Variants in AKNA observed in about 807,000 individuals in gnomAD.
The protein encoded by AKNA is microtubule organization protein AKNA.
AKNA carries 67 observed loss-of-function variants against 138.8 expected under a neutral mutation model. That is an observed-to-expected ratio of 0.48 (90% CI 0.40 to 0.59). The LOEUF (loss-of-function observed/expected upper bound fraction) is 0.59. AKNA is among the 20% of genes least tolerant of loss of function. The pLI is 0.00. For missense variants in AKNA, 1,813 were observed against 1,880.4 expected (o/e 0.96, Z 0.66); for synonymous variants, 737 against 754.4 (o/e 0.98, Z 0.38).
intron 19 of AKNA, among the ~76,000 whole-genome samples, chr9:114,342,907 GGCCTGTCAGGACTCTAACACTA>G (rs1388341222): frequency 6.6e-6 from 1 of 152,202 alleles, no homozygotes; most frequent in Non-Finnish European, 1.5e-5. Context: ...TGAACGGAGA[GGCCTGTCAGGACTCTAACACTA>G]GCACAGGAAG....
intron 21 of AKNA, among the ~76,000 whole-genome samples, chr9:114,339,265 G>A (rs998944945): frequency 6.6e-6 from 1 of 152,172 alleles, no homozygotes; most frequent in African/African-American, 2.4e-5. Flanking sequence ...CAGGGGCTAT[G>A]GGACGGCTGC....
rs372252136 is a variant in AKNA, at chr9:114,363,567, C to T, written c.1788+993G>A. 1.1e-3 allele frequency among the ~76,000 whole-genome samples: 163 copies of T among 152,368 alleles called. 5 individuals carry two copies. The South Asian group carries it at 0.031, about 29-fold the overall frequency. On this transcript the variant is annotated intron_variant, in intron 7 of 21. Coordinates refer to ENST00000374088, the MANE Select transcript of AKNA (RefSeq NM_001317950.2). ...TGTACATGACATCTATGTAACCACA[C>T]AGGAAATATCCTGCCATAACATTTT... is the stretch of plus-strand genomic sequence containing the variant.
chr9:114,364,606 T>C lies in AKNA; in HGVS notation c.1742A>G (p.Glu581Gly), dbSNP rs771900006. The change falls in exon 7 of 22, where the codon GAA becomes GGA. Residue 581 changes from glutamate to glycine, a missense_variant. Coordinates refer to ENST00000374088, the MANE Select transcript of AKNA (RefSeq NM_001317950.2). ...GAGACGTCCTGCCTGTATCAGTCTT[T>C]CAAAGGACTCCACCTGGACATTGGG... The part of the protein sequence containing the change: ...SQFLAKVESF[E>G]RLIQAGRLMP... The C allele has an allele frequency of 5.6e-6, 9 of 1,613,946 alleles. No homozygotes were observed. The East Asian group carries it at 2.0e-4, about 36-fold the overall frequency.
chr9:114,359,574 G>C lies in AKNA; in HGVS notation c.2492+20C>G. The C allele has an allele frequency of 6.2e-7, 1 of 1,611,064 alleles. No homozygotes were observed. Among genetic ancestry groups the C allele is most frequent in the African/African-American group, 1.4e-5 (1 of 72,162 alleles). On this transcript the variant is annotated intron_variant, in intron 11 of 21. Coordinates refer to ENST00000374088, the MANE Select transcript of AKNA (RefSeq NM_001317950.2). ...TTAGGGTGGAAACAAACATTCTGCAGGAAAGGCTCAGTGACTTACTCCAGG... is the reference window on the plus strand; with the variant it reads ...TTAGGGTGGAAACAAACATTCTGCACGAAAGGCTCAGTGACTTACTCCAGG...
intron 1 of AKNA, among the ~76,000 whole-genome samples, chr9:114,385,685 T>A (rs1833978581): frequency 6.6e-6 from 1 of 152,194 alleles, no homozygotes; most frequent in African/African-American, 2.4e-5. Context: ...TGACTAGAGT[T>A]TCGCACTTGC....
At chr9:114,396,557 T>C (rs186569114), upstream of AKNA, among the ~76,000 whole-genome samples, 3 of 152,106 alleles carry the variant, frequency 2.0e-5, no homozygotes, top group Admixed American at 2.0e-4. Flanking sequence ...CACACGCCTG[T>C]GATCCCAGCT....
intron 9 of AKNA, 57 bp downstream of exon 9, chr9:114,361,647 T>C: frequency 6.3e-7 from 1 of 1,578,884 alleles, no homozygotes; most frequent in South Asian, 1.1e-5. Flanking sequence ...AAGAAATGAA[T>C]TAACGAAGAA....
chr9:114,371,574 C>G lies in AKNA; in HGVS notation c.1416+2519G>C, dbSNP rs868296754. On this transcript the variant is annotated intron_variant, in intron 4 of 21. Transcript: ENST00000374088. Reference sequence around the variant, plus strand: ...GTTTCAGTCCCAGCTTTGCCTGTTGCACCAGCTGTGGGATGTTGAGCAAAC... The same window carrying G: ...GTTTCAGTCCCAGCTTTGCCTGTTGGACCAGCTGTGGGATGTTGAGCAAAC... Among the ~76,000 whole-genome samples, 6 of 152,360 alleles carry G rather than the reference C, an allele frequency of 3.9e-5. No individual in the cohort carries two copies. The Middle Eastern group carries it at 0.017, about 432-fold the overall frequency.
intron 1 of AKNA, among the ~76,000 whole-genome samples, chr9:114,384,333 G>A (rs1833888770): frequency 6.6e-6 from 1 of 152,224 alleles, no homozygotes; most frequent in Non-Finnish European, 1.5e-5. Flanking sequence ...CACTTTGGGA[G>A]GCCGAGGTGG....
At chr9:114,394,417 A>C (rs1363278043), upstream of AKNA, 1 of 152,146 alleles carries the variant, frequency 6.6e-6, no homozygotes, top group Admixed American at 6.5e-5. Context: ...CCTCCTGTGA[A>C]AGGCGAAATG....
At chr9:114,358,562 T>C (rs1206022678) in intron 11 of AKNA, among the ~76,000 whole-genome samples, 1 of 151,784 alleles carries the variant, frequency 6.6e-6, no homozygotes, top group Non-Finnish European at 1.5e-5. Context: ...GAAACTAACT[T>C]TGAGGATAAA....
rs199906681 is a variant in AKNA, at chr9:114,381,061, T to A, written c.273A>T (p.Glu91Asp). 415 of 1,534,704 alleles carry A rather than the reference T, an allele frequency of 2.7e-4. 2 individuals are homozygous for A. In the East Asian group the frequency reaches 9.2e-3, roughly 34 times the overall value. ...TAGGGGGAGGGGTGTCAGTCTCACC[T>A]TCTCCCGAAGTCTCTCCTGACTCGG... ...QDSESGETSGEEAEAEDVDSP... is the reference protein window; with the variant it reads ...QDSESGETSGDEAEAEDVDSP... The change falls in exon 2 of 22, where the codon GAA becomes GAT. Residue 91 changes from glutamate (E) to aspartate (D), a missense_variant and splice_region_variant. Physicochemically the swap from Glu to Asp is conservative, Grantham distance 45. Coordinates refer to ENST00000374088, the MANE Select transcript of AKNA (RefSeq NM_001317950.2).
At chr9:114,345,829 G>T (rs1020206720) in intron 18 of AKNA, 34 bp downstream of exon 18, 1 of 1,608,622 alleles carries the variant, frequency 6.2e-7, no homozygotes, top group Non-Finnish European at 8.5e-7. Context: ...GACACCAGGA[G>T]CTGCACCCAT....
In AKNA at chr9:114,350,948, T is replaced by A; in HGVS notation, c.3132A>T (p.Pro1044=). The A allele has an allele frequency of 6.4e-7, 1 of 1,563,834 alleles. No individual in the cohort carries two copies. The highest frequency in any genetic ancestry group is 1.1e-5 in the South Asian group (1 of 89,406). Residue 1044 remains proline, a synonymous_variant, in exon 15 of 22, where the codon CCA becomes CCT. Coordinates refer to ENST00000374088, the MANE Select transcript of AKNA (RefSeq NM_001317950.2). ...EQPLPNKTIS[P]PPAPAPAAAP... is the part of the protein sequence containing the mutation. ...CAGCGGCAGGGGCGGGGGCTGGGGG[T>A]GGGCTGATTGTCTTGTTGGGAAGGG...
In AKNA at chr9:114,334,702, A is replaced by T. The variant is rs1383193054; in HGVS notation, c.*2352T>A. On this transcript the variant is annotated 3_prime_UTR_variant, in exon 22 of 22. Coordinates refer to ENST00000374088, the MANE Select transcript of AKNA (RefSeq NM_001317950.2). ...AGCAGCACCCCTTCCGTGGCAGAAA[A>T]GTTGGGCCTGAATTGTTTGAGCAAT... 2 of 146,646 alleles carry T rather than the reference A, an allele frequency of 1.4e-5. No individual in the cohort carries two copies. The highest frequency in any genetic ancestry group is 2.9e-5 in the Non-Finnish European group (2 of 67,898). The allele number at this position is 146,646 out of a possible 1,614,324, so 9.1% of individuals were successfully genotyped here.
At chr9:114,380,795 G>A (rs1289837678) in intron 2 of AKNA, among the ~76,000 whole-genome samples, 4 of 142,314 alleles carry the variant, frequency 2.8e-5, no homozygotes, top group Non-Finnish European at 6.0e-5. Context: ...CCAACATGGT[G>A]AAACCCCGTC....
rs76621725 is a variant in AKNA, at chr9:114,372,970, G to C, written c.1416+1123C>G. Among the ~76,000 whole-genome samples the C allele has an allele frequency of 1.3e-3, 188 of 141,622 alleles. 36 individuals carry two copies. The highest frequency in any genetic ancestry group is 4.7e-3 in the African/African-American group (180 of 38,670). 92.9% of individuals were successfully genotyped at this position (141,622 alleles called of 152,430 possible). On this transcript the variant is annotated intron_variant, in intron 4 of 21. Transcript: ENST00000374088. ...AGCAGGTGTGGGGACGCAGCGGGGGGGGGGGGGGTCCTGGTCCTAGAACAG... is the reference window on the plus strand; with the variant it reads ...AGCAGGTGTGGGGACGCAGCGGGGGCGGGGGGGGTCCTGGTCCTAGAACAG...
Position 114,343,809 on chromosome 9 carries a change from G to A in AKNA, c.3662-6C>T, listed in dbSNP as rs771707702. Reference sequence around the variant, plus strand: ...CAGAACATGGTATTCGTGGCCTGGGGAAAGAAACCAGAACTGTCAGTATCA... The same window carrying A: ...CAGAACATGGTATTCGTGGCCTGGGAAAAGAAACCAGAACTGTCAGTATCA... On this transcript the variant is annotated splice_region_variant and splice_polypyrimidine_tract_variant and intron_variant, in intron 18 of 21. Coordinates refer to ENST00000374088, the MANE Select transcript of AKNA (RefSeq NM_001317950.2). 2.2e-5 allele frequency: 36 copies of A among 1,603,922 alleles called. No individual in the cohort carries two copies. The highest frequency in any genetic ancestry group is 3.0e-5 in the Non-Finnish European group (35 of 1,171,968).
intron 1 of AKNA, among the ~76,000 whole-genome samples, chr9:114,394,151 C>T (rs1467983592): frequency 6.7e-6 from 1 of 149,622 alleles, no homozygotes; most frequent in African/African-American, 2.5e-5. Flanking sequence ...CCAGCCTAGG[C>T]GATGACAGTG....
Sources: allele counts gnomAD v4.1 joint callset (sites outside exome capture counted in the v4.1 genomes callset), GRCh38; gene constraint gnomAD v4.1.1; transcripts MANE v1.5; gene names NCBI Gene and HGNC (gene_info 2026-07-23, HGNC 2026-07-21).